PIWIL2: variants seen among roughly 807,000 people sequenced by gnomAD.
The protein encoded by PIWIL2 is piwi-like protein 2.
In PIWIL2, 81 loss-of-function variants were observed where a neutral mutation model predicts 116.5. The observed-to-expected ratio is 0.70, with a 90% CI of 0.58 to 0.84. PIWIL2 has a LOEUF of 0.84. Ranked by LOEUF, PIWIL2 falls within the 40% of genes least tolerant of loss-of-function variation. The pLI is 0.00. For missense variants in PIWIL2, 1,272 were observed against 1,212.3 expected, an observed-to-expected ratio of 1.05 and a Z score of -0.73; for synonymous variants, 489 against 429.5, an observed-to-expected ratio of 1.14 and a Z score of -1.71.
chr8:22,304,660 G>A, intron 11 of PIWIL2, 124 bp from the exon 12 acceptor site: 1 of 574,110 alleles, frequency 1.7e-6, no homozygotes, highest in Non-Finnish European at 3.2e-6. Context: ...GGTTTGCAGT[G>A]GCTCCTTGAC....
At chr8:22,318,335 G>C in intron 20 of PIWIL2, 60 bp downstream of exon 20, 1 of 884,040 alleles carries the variant, frequency 1.1e-6, no homozygotes, top group Non-Finnish European at 1.8e-6. Flanking sequence ...TTTTTTTTTT[G>C]AGACAGAGTC....
rs560720575 is a variant in PIWIL2, at chr8:22,356,849, C to A, written c.*1344C>A. 2.2e-4 allele frequency: 33 copies of A among 150,838 alleles called. No homozygotes were observed. Among genetic ancestry groups the A allele is most frequent in the African/African-American group, 7.0e-4 (29 of 41,388 alleles). 9.3% of individuals were successfully genotyped at this position (150,838 alleles called of 1,614,324 possible). ...AGTGTTTTTGGAAACCCGTTTTTTTCTGGTTTTTTTTCCCCCCTCTCCATT... is the reference window on the plus strand; with the variant it reads ...AGTGTTTTTGGAAACCCGTTTTTTTATGGTTTTTTTTCCCCCCTCTCCATT... On this transcript the variant is annotated 3_prime_UTR_variant, in exon 23 of 23. Coordinates refer to ENST00000356766, the MANE Select transcript of PIWIL2 (RefSeq NM_018068.5).
chr8:22,311,200 G>A lies in PIWIL2; in HGVS notation c.1889G>A (p.Gly630Asp), dbSNP rs560879319. ...GTCAACATGTTGGAGAAGATAGCCG[G>A]CCCCATTGGCATGCGTATGAGCCCA... is the stretch of plus-strand genomic sequence containing the variant. ...ELVNMLEKIAGPIGMRMSPPA... is the reference protein window; with the variant it reads ...ELVNMLEKIADPIGMRMSPPA... Residue 630 changes from glycine (G) to aspartate (D), a missense_variant, in exon 16 of 23, where the codon GGC becomes GAC. Gly to Asp is a moderately conservative substitution (Grantham distance 94). Transcript: ENST00000356766. 24 of 1,614,132 alleles carry A rather than the reference G, an allele frequency of 1.5e-5. No individual in the cohort carries two copies. The East Asian group carries it at 4.9e-4, about 33-fold the overall frequency.
At chr8:22,275,588 C>G (rs1391401791) in intron 1 of PIWIL2, 190 bp downstream of exon 1, 1 of 152,324 alleles carries the variant, frequency 6.6e-6, no homozygotes, top group Non-Finnish European at 1.5e-5. Flanking sequence ...GGCGCCGCGG[C>G]CCCAAGAAGG....
intron 20 of PIWIL2, among the ~76,000 whole-genome samples, chr8:22,341,314 G>A (rs960562191): frequency 8.7e-4 from 130 of 149,982 alleles, no homozygotes; most frequent in African/African-American, 2.9e-3. Flanking sequence ...AAAAAAAAAA[G>A]TCCAGGCGCG....
chr8:22,296,639 G>T (rs547096343), intron 10 of PIWIL2, among the ~76,000 whole-genome samples: 1 of 152,188 alleles, frequency 6.6e-6, no homozygotes, highest in Non-Finnish European at 1.5e-5. Context: ...ATTTACTGTT[G>T]AAAGATCTAA....
At position 22,355,399 on chromosome 8, in the gene PIWIL2, G is replaced by C. The variant is rs377247515; in HGVS notation, c.2816G>C (p.Arg939Thr). ...HMYWNWPGTI[R>T]VPAPCKYAHK... is the part of the protein sequence containing the mutation. ...TACTGGAATTGGCCTGGCACCATCA[G>C]AGTTCCAGCTCCTTGCAAGTATGCC... is the stretch of plus-strand genomic sequence containing the variant. The change falls in exon 23 of 23, where the codon AGA becomes ACA. Residue 939 changes from arginine to threonine, a missense_variant. By Grantham distance (71) the Arg-to-Thr change is moderately conservative. Coordinates refer to ENST00000356766, the MANE Select transcript of PIWIL2 (RefSeq NM_018068.5). 2.5e-6 allele frequency: 4 copies of C among 1,614,050 alleles called. No individual in the cohort carries two copies. The African/African-American group carries it at 5.3e-5, about 22-fold the overall frequency.
chr8:22,340,045 A>ATTTTTTT (rs10626386), intron 20 of PIWIL2, among the ~76,000 whole-genome samples: 25 of 93,770 alleles, frequency 2.7e-4, no homozygotes, highest in East Asian at 3.9e-4. Flanking sequence ...TATAAAAAGA[A>ATTTTTTT]TTTTTTTTTT....
chr8:22,287,672 G>C, intron 7 of PIWIL2, 27 bp downstream of exon 7: 1 of 1,363,138 alleles, frequency 7.3e-7, no homozygotes, highest in Admixed American at 1.7e-5. Flanking sequence ...AATGGACTTT[G>C]AGATGAACCC....
At chr8:22,294,282 G>A (rs1413134430) in intron 10 of PIWIL2, among the ~76,000 whole-genome samples, 1 of 145,964 alleles carries the variant, frequency 6.9e-6, no homozygotes, top group Non-Finnish European at 1.5e-5. Context: ...AGGTTGCAGT[G>A]AGCCAAGATC....
At chr8:22,351,440 CATAT>C (rs71544885) in intron 20 of PIWIL2, among the ~76,000 whole-genome samples, 1,882 of 52,428 alleles carry the variant, frequency 0.036, 31 homozygotes, top group South Asian at 0.045. Flanking sequence ...TGCATACATA[CATAT>C]ATATATATAT....
At chr8:22,352,044 A>G (rs1832385795) in intron 20 of PIWIL2, among the ~76,000 whole-genome samples, 1 of 152,216 alleles carries the variant, frequency 6.6e-6, no homozygotes, top group South Asian at 2.1e-4. Flanking sequence ...CCATGAGTTC[A>G]AGTGATTTTC....
At chr8:22,347,212 A>AT (rs1259978188) in intron 20 of PIWIL2, among the ~76,000 whole-genome samples, 2 of 148,536 alleles carry the variant, frequency 1.3e-5, no homozygotes, top group African/African-American at 5.1e-5. Flanking sequence ...ACATTAACAT[A>AT]ATTTTTTTTT....
At chr8:22,305,076 T>TAA (rs1252949348) in intron 12 of PIWIL2, among the ~76,000 whole-genome samples, 3 of 152,214 alleles carry the variant, frequency 2.0e-5, no homozygotes, top group African/African-American at 7.2e-5. Flanking sequence ...GAGGCGGAAC[T>TAA]AAATATCCAC....
chr8:22,324,863 CTG>C (rs1831687172), intron 20 of PIWIL2, among the ~76,000 whole-genome samples: 1 of 152,176 alleles, frequency 6.6e-6, no homozygotes, highest in Non-Finnish European at 1.5e-5. Context: ...GAACACCTAT[CTG>C]TAAGCCAAGA....
chr8:22,317,821 G>A (rs192788417), intron 19 of PIWIL2, among the ~76,000 whole-genome samples: 73 of 151,880 alleles, frequency 4.8e-4, no homozygotes, highest in Admixed American at 2.0e-4. Flanking sequence ...CACCACGCCC[G>A]GCTAATTTTT....
chr8:22,341,313 A>G (rs535442801), intron 20 of PIWIL2, among the ~76,000 whole-genome samples: 1 of 151,282 alleles, frequency 6.6e-6, no homozygotes, highest in East Asian at 1.9e-4. Flanking sequence ...AAAAAAAAAA[A>G]GTCCAGGCGC....
In PIWIL2 at chr8:22,290,260, T is replaced by C; in HGVS notation, c.1095T>C (p.Ala365=). The change falls in exon 10 of 23, where the codon GCT becomes GCC. Residue 365 remains alanine (A), a synonymous_variant. Transcript: ENST00000356766. ...TGCAGATCTGGCCAGGCTATGCAGC[T>C]AGCATCCGAAGGACAGATGGAGGGC... ...HRLQIWPGYA[A]SIRRTDGGLF... is the part of the protein sequence containing the mutation. The C allele has an allele frequency of 6.2e-7, 1 of 1,610,002 alleles. No individual in the cohort carries two copies. The highest frequency in any genetic ancestry group is 8.5e-7 in the Non-Finnish European group (1 of 1,176,536).
At chr8:22,280,322 A>G (rs1296565101) in intron 2 of PIWIL2, among the ~76,000 whole-genome samples, 1 of 152,222 alleles carries the variant, frequency 6.6e-6, no homozygotes, top group East Asian at 1.9e-4. Flanking sequence ...AATCTTAAAG[A>G]AAAAGGATCT....
Sources: allele counts gnomAD v4.1 joint callset (sites outside exome capture counted in the v4.1 genomes callset), GRCh38; gene constraint gnomAD v4.1.1; transcripts MANE v1.5; gene names NCBI Gene and HGNC (gene_info 2026-07-23, HGNC 2026-07-21).